Variants in MDFI observed in about 807,000 individuals in gnomAD.
MDFI encodes MyoD family inhibitor.
MDFI carries 16 observed loss-of-function variants against 22.3 expected under a neutral mutation model. The ratio of observed to expected loss-of-function variants is 0.72; its 90% confidence interval spans 0.49 to 1.09. The LOEUF is 1.09. MDFI is among the 50% of genes least tolerant of loss of function. MDFI has a pLI of 0.00. For synonymous variants in MDFI, 145 were observed against 142.7 expected (o/e 1.02, Z -0.12); for missense variants, 314 against 326.1 (o/e 0.96, Z 0.29).
chr6:41,643,836 A>G (rs1018224763), intron 2 of MDFI, among the ~76,000 whole-genome samples: 1 of 152,166 alleles, frequency 6.6e-6, no homozygotes, highest in African/African-American at 2.4e-5. Context: ...CATGCAAAGT[A>G]ACCCAACTCT....
chr6:41,653,684 C>A lies in MDFI; in HGVS notation c.*109C>A. The A allele has an allele frequency of 7.2e-7, 1 of 1,397,248 alleles. No homozygotes were observed. The highest frequency in any genetic ancestry group is 9.7e-7 in the Non-Finnish European group (1 of 1,025,910). The allele number at this position is 1,397,248 out of a possible 1,614,324, so 86.6% of individuals were successfully genotyped here. On this transcript the variant is annotated 3_prime_UTR_variant, in exon 5 of 5. Transcript: ENST00000230321. This position sits in a 1 kb window ranked among gnomAD's most constrained non-coding sequence, Gnocchi z 4.2. ...ACACAAGGCTTGAGAAGCCCCCTCTCCCTGGTCCTCTCCTACCCACCCATG... is the reference window on the plus strand; with the variant it reads ...ACACAAGGCTTGAGAAGCCCCCTCTACCTGGTCCTCTCCTACCCACCCATG...
chr6:41,638,308 C>G (rs1018913726), upstream of MDFI: 1 of 172,240 alleles, frequency 5.8e-6, no homozygotes, highest in Non-Finnish European at 1.2e-5. This position sits in a 1 kb window ranked among gnomAD's most constrained non-coding sequence, Gnocchi z 7.6. Flanking sequence ...CGCGGACAGA[C>G]GTGTCCGGCT....
intron 2 of MDFI, among the ~76,000 whole-genome samples, chr6:41,641,309 A>G (rs956552089): frequency 5.9e-5 from 9 of 152,244 alleles, no homozygotes; most frequent in Admixed American, 2.6e-4. Flanking sequence ...AATTGTAATT[A>G]ACAAGAGGGA....
rs1206654082 is a variant in MDFI, at chr6:41,653,217, C to CCTG, written c.485-94_485-92dup. 8.3e-7 allele frequency: 1 copy of CCTG among 1,210,738 alleles called. No individual in the cohort carries two copies. Among genetic ancestry groups the CCTG allele is most frequent in the Non-Finnish European group, 1.2e-6 (1 of 842,216 alleles). 75.0% of individuals were successfully genotyped at this position (1,210,738 alleles called of 1,614,324 possible). A position where few individuals can be genotyped will look rare whatever the true frequency, so the allele number is the denominator to read the frequency against. On this transcript the variant is annotated intron_variant, in intron 4 of 4. Coordinates refer to ENST00000230321, the MANE Select transcript of MDFI (RefSeq NM_005586.4). This position sits in a 1 kb window ranked among gnomAD's most constrained non-coding sequence, Gnocchi z 4.2. ...AGGCACACAGTGAACACTCAGCGTC[C>CCTG]CTGCTGCTGCCGCTGCCGCAGGCCC...
chr6:41,637,425 T>C (rs1767680246), upstream of MDFI, among the ~76,000 whole-genome samples: 1 of 151,960 alleles, frequency 6.6e-6, no homozygotes, highest in South Asian at 2.1e-4. The surrounding 1 kb of genome is among the most constrained non-coding windows in gnomAD (Gnocchi z 6.8). Flanking sequence ...GTGTGCTCAC[T>C]GGCCCTCGTG....
At chr6:41,638,350 G>A (rs1767708437), upstream of MDFI, 12 of 203,502 alleles carry the variant, frequency 5.9e-5, no homozygotes, top group South Asian at 8.0e-4. The surrounding 1 kb of genome is among the most constrained non-coding windows in gnomAD (Gnocchi z 7.6). Flanking sequence ...GCGGGGGAGG[G>A]GACCCGCAGA....
chr6:41,637,673 A>G (rs756836809), upstream of MDFI, among the ~76,000 whole-genome samples: 1 of 151,730 alleles, frequency 6.6e-6, no homozygotes. The surrounding 1 kb of genome is among the most constrained non-coding windows in gnomAD (Gnocchi z 6.8). Context: ...ACGGCTCACC[A>G]TCCAGACGCG....
intron 4 of MDFI, among the ~76,000 whole-genome samples, chr6:41,652,038 G>A (rs1045891364): frequency 6.6e-6 from 1 of 152,234 alleles, no homozygotes; most frequent in African/African-American, 2.4e-5. Context: ...TGAGGAAACC[G>A]TGTAGTACAG....
chr6:41,642,676 C>T (rs956376374), intron 2 of MDFI, among the ~76,000 whole-genome samples: 9 of 152,202 alleles, frequency 5.9e-5, no homozygotes, highest in African/African-American at 1.9e-4. Context: ...GTGGCCCCTC[C>T]TGGCTCCAGA....
At chr6:41,649,519 G>A in intron 3 of MDFI, 100 bp from the exon 4 acceptor site, 8 of 1,113,346 alleles carry the variant, frequency 7.2e-6, no homozygotes, top group Non-Finnish European at 9.1e-6. Flanking sequence ...TGGGTGCTTT[G>A]GGGTATATGT....
chr6:41,653,245 AC>A lies in MDFI; in HGVS notation c.485-73del. Reference sequence around the variant, plus strand: ...GCTGCTGCCGCTGCCGCAGGCCCCCACACCCCCGGCTATTTCACACACGCTC... The same window carrying A: ...GCTGCTGCCGCTGCCGCAGGCCCCCAACCCCCGGCTATTTCACACACGCTC... On this transcript the variant is annotated intron_variant, in intron 4 of 4. Transcript: ENST00000230321. The surrounding 1 kb of genome is among the most constrained non-coding windows in gnomAD (Gnocchi z 4.2). 6.7e-7 allele frequency: 1 copy of A among 1,500,912 alleles called. No individual in the cohort carries two copies. 93.0% of individuals were successfully genotyped at this position (1,500,912 alleles called of 1,614,324 possible).
Position 41,653,823 on chromosome 6 carries a change from G to T in MDFI, c.*248G>T. The stretch of plus-strand genomic sequence containing the variant: ...GCCTGAACTCTTTACTGGGTTACCA[G>T]GTTCATACATTGCTGAGGACCTGAC... On this transcript the variant is annotated 3_prime_UTR_variant, in exon 5 of 5. Coordinates refer to ENST00000230321, the MANE Select transcript of MDFI (RefSeq NM_005586.4). This position sits in a 1 kb window ranked among gnomAD's most constrained non-coding sequence, Gnocchi z 4.2. 1 of 587,022 alleles carries T rather than the reference G, an allele frequency of 1.7e-6. No homozygotes were observed. The allele number at this position is 587,022 out of a possible 1,614,324, so 36.4% of individuals were successfully genotyped here. A position where few individuals can be genotyped will look rare whatever the true frequency, so the allele number is the denominator to read the frequency against.
chr6:41,647,993 G>A lies in MDFI; in HGVS notation c.260-1626G>A, dbSNP rs147015124. Among the ~76,000 whole-genome samples, 938 of 143,356 alleles carry A rather than the reference G, an allele frequency of 6.5e-3. 6 individuals carry two copies. Among genetic ancestry groups the A allele is most frequent in the African/African-American group, 0.023 (887 of 38,630 alleles). 94.0% of individuals were successfully genotyped at this position (143,356 alleles called of 152,430 possible). A position where few individuals can be genotyped will look rare whatever the true frequency, so the allele number is the denominator to read the frequency against. ...CGGGAGGCGGATGTTGCAGGGAGCCGGGATTGCGCCACTGCACTCTGGCCT... is the reference window on the plus strand; with the variant it reads ...CGGGAGGCGGATGTTGCAGGGAGCCAGGATTGCGCCACTGCACTCTGGCCT... On this transcript the variant is annotated intron_variant, in intron 3 of 4. Coordinates refer to ENST00000230321, the MANE Select transcript of MDFI (RefSeq NM_005586.4).
chr6:41,637,944 C>T (rs1034586659), upstream of MDFI, among the ~76,000 whole-genome samples: 1 of 152,176 alleles, frequency 6.6e-6, no homozygotes, highest in Non-Finnish European at 1.5e-5. This position sits in a 1 kb window ranked among gnomAD's most constrained non-coding sequence, Gnocchi z 6.8. Flanking sequence ...ACAACTCTGG[C>T]GCTGTGGGCG....
intron 2 of MDFI, among the ~76,000 whole-genome samples, chr6:41,641,608 C>T (rs1283145618): frequency 1.3e-5 from 2 of 152,180 alleles, no homozygotes; most frequent in Non-Finnish European, 2.9e-5. Context: ...TGTGGGGTTC[C>T]AGCCACCACT....
chr6:41,638,433 G>C, upstream of MDFI: 1 of 397,162 alleles, frequency 2.5e-6, no homozygotes, highest in South Asian at 2.7e-5. The surrounding 1 kb of genome is among the most constrained non-coding windows in gnomAD (Gnocchi z 7.6). Context: ...GAGGCGAGTA[G>C]GGGAGGAGCG....
At chr6:41,640,198 G>T (rs535265242) in intron 2 of MDFI, among the ~76,000 whole-genome samples, 103 of 152,234 alleles carry the variant, frequency 6.8e-4, no homozygotes, top group Non-Finnish European at 1.2e-3. Context: ...TCCCTGTCCC[G>T]CTGGGCCTCC....
At chr6:41,639,408 G>A in intron 2 of MDFI, 1 of 985,324 alleles carries the variant, frequency 1.0e-6, no homozygotes, top group Non-Finnish European at 1.2e-6. Context: ...CCCCAACCCA[G>A]TGTCTTCAGC....
rs1175667604 is a variant in MDFI at position 41,643,551 on chromosome 6, A to AAGGAAGGAAGGG, written c.77-2564_77-2563insGAGGAAGGAAGG. Among the ~76,000 whole-genome samples the AAGGAAGGAAGGG allele has an allele frequency of 1.7e-3, 139 of 83,200 alleles. 2 individuals carry two copies. Among genetic ancestry groups the AAGGAAGGAAGGG allele is most frequent in the African/African-American group, 6.2e-3 (128 of 20,728 alleles). 54.6% of individuals were successfully genotyped at this position (83,200 alleles called of 152,430 possible). A position where few individuals can be genotyped will look rare whatever the true frequency, so the allele number is the denominator to read the frequency against. On this transcript the variant is annotated intron_variant, in intron 2 of 4. Coordinates refer to ENST00000230321, the MANE Select transcript of MDFI (RefSeq NM_005586.4). ...GAAGGAGGGAAGGAGGGAAGGAGGG[A>AAGGAAGGAAGGG]AGGAAGGAAGGAAGGAAGGAAGGAA... is the stretch of plus-strand genomic sequence containing the variant.
Sources: gnomAD v4.1 joint callset for allele counts (sites outside exome capture counted in the v4.1 genomes callset) on GRCh38, gnomAD v4.1.1 for gene constraint, Gnocchi (gnomAD v3.1) non-coding constraint, MANE v1.5 for transcripts, NCBI Gene and HGNC (gene_info 2026-07-23, HGNC 2026-07-21) for gene names.